The following SHROOM3 variants were observed in gnomAD, a reference collection of about 807,000 sequenced individuals.
SHROOM3 encodes shroom family member 3, also known as protein Shroom3.
SHROOM3 carries 47 observed loss-of-function variants against 138.6 expected under a neutral mutation model. That is an observed-to-expected ratio of 0.34 (90% confidence interval 0.27 to 0.43). The LOEUF (loss-of-function observed/expected upper bound fraction) is 0.43, where lower values mean the gene tolerates loss of function less well. Ranked by LOEUF, SHROOM3 falls within the 20% of genes least tolerant of loss-of-function variation. The probability of loss-of-function intolerance (pLI) is 1.00; values close to 1 mark genes in which losing one functional copy is unlikely to be tolerated. For missense variants in SHROOM3, 2,491 were observed against 2,596.5 expected, an observed-to-expected ratio of 0.96 and a Z score of 0.88; for synonymous variants, 1,062 against 1,063.3, an observed-to-expected ratio of 1.00 and a Z score of 0.02.
At chr4:76,674,686 C>T (rs1718981328) in intron 2 of SHROOM3, among the ~76,000 whole-genome samples, 1 of 151,454 alleles carries the variant, frequency 6.6e-6, no homozygotes, top group Non-Finnish European at 1.5e-5. Flanking sequence ...TCCCAAGTAG[C>T]TGGGACTACA....
At chr4:76,596,955 C>T (rs956383456) in intron 2 of SHROOM3, among the ~76,000 whole-genome samples, 2 of 152,178 alleles carry the variant, frequency 1.3e-5, no homozygotes, top group Non-Finnish European at 2.9e-5. Context: ...TCGCACCAGC[C>T]GCAATGTGAA....
intron 3 of SHROOM3, among the ~76,000 whole-genome samples, chr4:76,713,990 A>G (rs962505252): frequency 6.6e-6 from 1 of 152,190 alleles, no homozygotes; most frequent in Non-Finnish European, 1.5e-5. Context: ...TTACGCTCAG[A>G]TCCTACATCC....
At chr4:76,549,734 A>G (rs1375067491) in intron 1 of SHROOM3, among the ~76,000 whole-genome samples, 1 of 152,168 alleles carries the variant, frequency 6.6e-6, no homozygotes, top group Non-Finnish European at 1.5e-5. Flanking sequence ...ATCCACAGAC[A>G]CTGATGCTAC....
intron 2 of SHROOM3, among the ~76,000 whole-genome samples, chr4:76,613,842 C>T (rs1045195302): frequency 3.3e-5 from 5 of 152,130 alleles, no homozygotes; most frequent in African/African-American, 9.7e-5. Context: ...ATCACTTTTG[C>T]TCAGCAAGCC....
At chr4:76,661,559 TAA>T (rs972371882) in intron 2 of SHROOM3, among the ~76,000 whole-genome samples, 5 of 152,212 alleles carry the variant, frequency 3.3e-5, no homozygotes, top group African/African-American at 9.7e-5. Flanking sequence ...TATCACCAGA[TAA>T]AGTTTCTTTG....
intron 1 of SHROOM3, among the ~76,000 whole-genome samples, chr4:76,462,770 C>T (rs1366173383): frequency 6.6e-6 from 1 of 151,744 alleles, no homozygotes; most frequent in South Asian, 2.1e-4. Flanking sequence ...CCCTCTCTCC[C>T]TCTCCTGCTC....
chr4:76,441,979 C>T (rs1248916642), intron 1 of SHROOM3, among the ~76,000 whole-genome samples: 1 of 152,198 alleles, frequency 6.6e-6, no homozygotes, highest in Admixed American at 6.5e-5. Context: ...ACCTCGGCCT[C>T]CCAAAATTCC....
At chr4:76,737,468 T>C (rs891157060) in intron 4 of SHROOM3, among the ~76,000 whole-genome samples, 8 of 152,158 alleles carry the variant, frequency 5.3e-5, no homozygotes, top group African/African-American at 1.9e-4. Context: ...CTGGATCTTA[T>C]GGTAAGAGTA....
At chr4:76,669,685 AAAT>A (rs1718819596) in intron 2 of SHROOM3, among the ~76,000 whole-genome samples, 1 of 152,228 alleles carries the variant, frequency 6.6e-6, no homozygotes, top group African/African-American at 2.4e-5. Context: ...TTTAAAAAAA[AAAT>A]AATAATTGTT....
intron 3 of SHROOM3, among the ~76,000 whole-genome samples, 169 bp from the exon 4 acceptor site, chr4:76,730,632 AATG>A (rs1312839897): frequency 6.6e-6 from 1 of 152,252 alleles, no homozygotes; most frequent in African/African-American, 2.4e-5. Context: ...AGAGAATAAC[AATG>A]ATTAGTCAGA....
intron 2 of SHROOM3, among the ~76,000 whole-genome samples, chr4:76,606,007 A>AT (rs1164704632): frequency 0.012 from 969 of 77,858 alleles, 36 homozygotes; most frequent in Non-Finnish European, 0.018. Context: ...ATATATATAT[A>AT]TTTTTTTTTT....
rs568254651 is a variant in SHROOM3 at position 76,675,955 on chromosome 4, G to A, written c.324-34201G>A. On this transcript the variant is annotated intron_variant, in intron 2 of 10. Coordinates refer to ENST00000296043, the MANE Select transcript of SHROOM3 (RefSeq NM_020859.4). ...AGGCTGAGAGCTGATACAGGCTGAG[G>A]AACAAAGTCAGGGGACCCTAAAGTT... Among the ~76,000 whole-genome samples the A allele has an allele frequency of 7.9e-5, 12 of 152,294 alleles. No homozygotes were observed. The South Asian group carries it at 2.5e-3, about 32-fold the overall frequency.
At chr4:76,452,373 C>A (rs1730943722) in intron 1 of SHROOM3, among the ~76,000 whole-genome samples, 1 of 152,214 alleles carries the variant, frequency 6.6e-6, no homozygotes, top group South Asian at 2.1e-4. Context: ...CCATTAAAAA[C>A]CAATTCTCCA....
intron 1 of SHROOM3, among the ~76,000 whole-genome samples, chr4:76,514,720 A>G (rs982485945): frequency 5.3e-5 from 8 of 152,222 alleles, no homozygotes; most frequent in Non-Finnish European, 1.2e-4. Flanking sequence ...TTCAATAAAT[A>G]TATTAAACAT....
intron 9 of SHROOM3, among the ~76,000 whole-genome samples, chr4:76,765,662 A>G (rs1722131616): frequency 6.6e-6 from 1 of 152,144 alleles, no homozygotes; most frequent in Admixed American, 6.6e-5. Context: ...TTGTCAGGGG[A>G]AGGAGTATTC....
At chr4:76,693,630 C>T (rs1423986571) in intron 2 of SHROOM3, among the ~76,000 whole-genome samples, 1 of 151,918 alleles carries the variant, frequency 6.6e-6, no homozygotes, top group Non-Finnish European at 1.5e-5. Context: ...CGTGATCTGC[C>T]TGCCCCAGCC....
chr4:76,460,010 A>C (rs1450973693), intron 1 of SHROOM3, among the ~76,000 whole-genome samples: 1 of 152,210 alleles, frequency 6.6e-6, no homozygotes, highest in Non-Finnish European at 1.5e-5. Flanking sequence ...TGTTTGTTAC[A>C]TTACCCAGGA....
At chr4:76,761,215 G>A (rs1229375009) in intron 9 of SHROOM3, among the ~76,000 whole-genome samples, 1 of 151,974 alleles carries the variant, frequency 6.6e-6, no homozygotes, top group Non-Finnish European at 1.5e-5. Context: ...CCCAGTGTCT[G>A]CTGGTCCCAT....
chr4:76,657,782 C>A (rs1400925592), intron 2 of SHROOM3, among the ~76,000 whole-genome samples: 1 of 152,190 alleles, frequency 6.6e-6, no homozygotes, highest in Admixed American at 6.5e-5. Context: ...AACAAACTGT[C>A]TCCGGGCCCA....
Sources: allele counts gnomAD v4.1 joint callset (sites outside exome capture counted in the v4.1 genomes callset), GRCh38; gene constraint gnomAD v4.1.1; transcripts MANE v1.5; gene names NCBI Gene and HGNC (gene_info 2026-07-23, HGNC 2026-07-21).